YWHAZ: variants seen among roughly 807,000 people sequenced by gnomAD.
The protein encoded by YWHAZ is tyrosine 3-monooxygenase/tryptophan 5-monooxygenase activation protein zeta.
For synonymous variants in YWHAZ, 87 were observed against 103.6 expected, an observed-to-expected ratio of 0.84 and a Z score of 0.97; for missense variants, 79 against 284.8, an observed-to-expected ratio of 0.28 and a Z score of 5.20.
rs749603351 is a variant in YWHAZ at position 100,948,095 on chromosome 8, G to A, written c.294+501C>T. 170 of 1,534,430 alleles carry A rather than the reference G, an allele frequency of 1.1e-4. No homozygotes were observed. Among genetic ancestry groups the A allele is most frequent in the Non-Finnish European group, 1.4e-4 (161 of 1,146,564 alleles). The stretch of plus-strand genomic sequence containing the variant: ...AATTTACCTTCAAGAATTCAATGCA[G>A]GAAGAGGTTTCATAGTTGTGACGCC... On this transcript the variant is annotated intron_variant, in intron 2 of 5. Coordinates refer to ENST00000395958, the MANE Select transcript of YWHAZ (RefSeq NM_145690.3). The surrounding 1 kb of genome is among the most constrained non-coding windows in gnomAD (Gnocchi z 4.2).
At chr8:100,950,976 C>G in intron 1 of YWHAZ, 1 of 205,984 alleles carries the variant, frequency 4.9e-6, no homozygotes, top group East Asian at 1.9e-4. Flanking sequence ...GTCCATCAAG[C>G]ACGGGAGCCG....
chr8:100,951,676 A>T lies in YWHAZ; in HGVS notation c.-12+253T>A, dbSNP rs892625587. 3 of 985,058 alleles carry T rather than the reference A, an allele frequency of 3.0e-6. No homozygotes were observed. In the African/African-American group the frequency reaches 5.3e-5, roughly 17 times the overall value. 61.0% of individuals were successfully genotyped at this position (985,058 alleles called of 1,614,324 possible). On this transcript the variant is annotated intron_variant, in intron 1 of 5. Transcript: ENST00000395958. ...CGCCCTACCCACCCCCGGGGGCAGG[A>T]CGGGGGAGCGAGCACCGATCGGCGC...
rs1379984302 is a variant in YWHAZ, at chr8:100,919,261, T to C, written c.*1432A>G. 1.3e-5 allele frequency: 2 copies of C among 152,592 alleles called. No homozygotes were observed. Among genetic ancestry groups the C allele is most frequent in the Non-Finnish European group, 2.9e-5 (2 of 68,034 alleles). 9.5% of individuals were successfully genotyped at this position (152,592 alleles called of 1,614,324 possible). ...AATAGAAAGAATAAAGGATCAAAAT[T>C]GAAGGCAGGCTATAAGAGTATCAAG... On this transcript the variant is annotated 3_prime_UTR_variant, in exon 6 of 6. Transcript: ENST00000395958.
intron 2 of YWHAZ, among the ~76,000 whole-genome samples, chr8:100,938,574 T>C (rs1458880834): frequency 6.6e-6 from 1 of 152,186 alleles, no homozygotes; most frequent in Non-Finnish European, 1.5e-5. Flanking sequence ...CATAGTGTAG[T>C]TCAAATTTCT....
In YWHAZ at chr8:100,918,355, A is replaced by C. The variant is rs1248035316; in HGVS notation, c.*2338T>G. 1 of 106,628 alleles carries C rather than the reference A, an allele frequency of 9.4e-6. No homozygotes were observed. Among genetic ancestry groups the C allele is most frequent in the South Asian group, 3.9e-4 (1 of 2,536 alleles). The allele number at this position is 106,628 out of a possible 1,614,324, so 6.6% of individuals were successfully genotyped here. ...AAGACTCTTGTCTCCAAAAAAAAAAAAAACAACAAAAAAATTCCCACCTCT... is the reference window on the plus strand; with the variant it reads ...AAGACTCTTGTCTCCAAAAAAAAAACAAACAACAAAAAAATTCCCACCTCT... On this transcript the variant is annotated 3_prime_UTR_variant, in exon 6 of 6. Coordinates refer to ENST00000395958, the MANE Select transcript of YWHAZ (RefSeq NM_145690.3).
Position 100,951,800 on chromosome 8 carries a change from T to C in YWHAZ, c.-12+129A>G, listed in dbSNP as rs532193760. ...CGCCGCCCGTGTCCGCTGAGGAGAC[T>C]CCGCCTCAGCCCGGCGCCGCCACCG... On this transcript the variant is annotated intron_variant, in intron 1 of 5. Transcript: ENST00000395958. 63 of 984,958 alleles carry C rather than the reference T, an allele frequency of 6.4e-5. No homozygotes were observed. In the South Asian group the frequency reaches 2.7e-3, roughly 42 times the overall value. The allele number at this position is 984,958 out of a possible 1,614,324, so 61.0% of individuals were successfully genotyped here.
chr8:100,939,773 G>C (rs1333662176), intron 2 of YWHAZ, among the ~76,000 whole-genome samples: 1 of 151,632 alleles, frequency 6.6e-6, no homozygotes, highest in Non-Finnish European at 1.5e-5. Flanking sequence ...TGTAATCTCA[G>C]CACTTTGGGA....
chr8:100,935,848 A>G (rs546361141), intron 2 of YWHAZ, among the ~76,000 whole-genome samples: 4 of 152,232 alleles, frequency 2.6e-5, no homozygotes, highest in Non-Finnish European at 5.9e-5. Context: ...TCACTACAGC[A>G]TTAATTTCAA....
At chr8:100,940,876 A>T (rs1809797172) in intron 2 of YWHAZ, among the ~76,000 whole-genome samples, 1 of 152,222 alleles carries the variant, frequency 6.6e-6, no homozygotes. Context: ...CTCTTAAAGT[A>T]AGGTAGTATA....
At position 100,933,353 on chromosome 8, in the gene YWHAZ, C is replaced by T. The variant is rs533607307; in HGVS notation, c.295-8314G>A. On this transcript the variant is annotated intron_variant, in intron 2 of 5. Coordinates refer to ENST00000395958, the MANE Select transcript of YWHAZ (RefSeq NM_145690.3). Reference sequence around the variant, plus strand: ...CAGCCTGGGTAACAGAGTGAGCCTCCGTCTCAAAAAAAAAAAAGGAAGAAA... The same window carrying T: ...CAGCCTGGGTAACAGAGTGAGCCTCTGTCTCAAAAAAAAAAAAGGAAGAAA... Among the ~76,000 whole-genome samples, 40 of 125,450 alleles carry T rather than the reference C, an allele frequency of 3.2e-4. 1 individual carries two copies. Among genetic ancestry groups the T allele is most frequent in the Non-Finnish European group, 5.0e-4 (28 of 55,688 alleles). 82.3% of individuals were successfully genotyped at this position (125,450 alleles called of 152,430 possible).
intron 2 of YWHAZ, among the ~76,000 whole-genome samples, chr8:100,943,082 TTGAGTCCAACATGTCGTG>T (rs1165633861): frequency 6.6e-6 from 1 of 152,208 alleles, no homozygotes; most frequent in Non-Finnish European, 1.5e-5. Flanking sequence ...TAAGTCAAAG[TTGAGTCCAACATGTCGTG>T]TGATTAAGTC....
At chr8:100,949,118 C>G (rs1430949098) in intron 1 of YWHAZ, among the ~76,000 whole-genome samples, 1 of 152,148 alleles carries the variant, frequency 6.6e-6, no homozygotes, top group Non-Finnish European at 1.5e-5. Flanking sequence ...CAGCCATTAA[C>G]ACATCAGTGT....
At chr8:100,921,854 G>C (rs750705509) in intron 5 of YWHAZ, among the ~76,000 whole-genome samples, 1 of 152,148 alleles carries the variant, frequency 6.6e-6, no homozygotes, top group African/African-American at 2.4e-5. Context: ...ATTTTCAGAG[G>C]TAATTACAAA....
rs1032327909 is a variant in YWHAZ at position 100,951,971 on chromosome 8, C to G, written c.-54G>C. On this transcript the variant is annotated 5_prime_UTR_variant, in exon 1 of 6. Coordinates refer to ENST00000395958, the MANE Select transcript of YWHAZ (RefSeq NM_145690.3). Reference sequence around the variant, plus strand: ...GGTGGCGGCGGACGGACGGGCTCAGCAGTCTCTGGGCGGCGGCGGCGGCAG... The same window carrying G: ...GGTGGCGGCGGACGGACGGGCTCAGGAGTCTCTGGGCGGCGGCGGCGGCAG... 2.0e-6 allele frequency: 2 copies of G among 1,004,448 alleles called. No individual in the cohort carries two copies. The highest frequency in any genetic ancestry group is 2.2e-4 in the East Asian group (2 of 9,244). 62.2% of individuals were successfully genotyped at this position (1,004,448 alleles called of 1,614,324 possible).
rs569720643 is a variant in YWHAZ, at chr8:100,923,781, T to C, written c.678+174A>G. ...TAGTTCTCAGTCTAATATTTCAGTT[T>C]CTGTAATTTTCCTTCATAGGACTTT... On this transcript the variant is annotated intron_variant, in intron 5 of 5. Coordinates refer to ENST00000395958, the MANE Select transcript of YWHAZ (RefSeq NM_145690.3). 34 of 485,982 alleles carry C rather than the reference T, an allele frequency of 7.0e-5. No individual in the cohort carries two copies. The South Asian group carries it at 1.2e-3, about 17-fold the overall frequency. The allele number at this position is 485,982 out of a possible 1,614,324, so 30.1% of individuals were successfully genotyped here.
upstream of YWHAZ, chr8:100,952,185 C>G (rs1810844480): frequency 7.1e-6 from 7 of 983,468 alleles, no homozygotes; most frequent in Non-Finnish European, 7.2e-6. Context: ...AACCGCCGCT[C>G]CCCGGCGCTC....
intron 1 of YWHAZ, chr8:100,950,621 C>T: frequency 1.0e-6 from 1 of 985,750 alleles, no homozygotes; most frequent in South Asian, 4.7e-5. Flanking sequence ...CGACCGGAGC[C>T]AGAGGGAGGA....
At chr8:100,949,643 T>C (rs1275943054) in intron 1 of YWHAZ, among the ~76,000 whole-genome samples, 1 of 152,232 alleles carries the variant, frequency 6.6e-6, no homozygotes, top group Non-Finnish European at 1.5e-5. Context: ...ACTCTTACTG[T>C]GAGTACTAGA....
At chr8:100,926,441 G>C (rs1052212579) in intron 2 of YWHAZ, among the ~76,000 whole-genome samples, 2 of 152,082 alleles carry the variant, frequency 1.3e-5, no homozygotes, top group Admixed American at 6.6e-5. Context: ...GGTGAGCCTC[G>C]TCAACATGGT....
Sources: allele counts gnomAD v4.1 joint callset (sites outside exome capture counted in the v4.1 genomes callset), GRCh38; gene constraint gnomAD v4.1.1; non-coding constraint Gnocchi (gnomAD v3.1); transcripts MANE v1.5; gene names NCBI Gene and HGNC (gene_info 2026-07-23, HGNC 2026-07-21).